Variants in PLCG2 observed in about 807,000 individuals in gnomAD.
PLCG2 encodes the protein 1-phosphatidylinositol 4,5-bisphosphate phosphodiesterase gamma-2.
PLCG2 carries 69 observed loss-of-function variants against 175.6 expected under a neutral mutation model. The ratio of observed to expected loss-of-function variants is 0.39; its 90% CI spans 0.32 to 0.48. The LOEUF is 0.48. Ranked by LOEUF, PLCG2 falls within the 20% of genes least tolerant of loss-of-function variation. The probability of loss-of-function intolerance (pLI) is 0.91; values close to 1 mark genes in which losing one functional copy is unlikely to be tolerated. For synonymous variants in PLCG2, 827 were observed against 624.0 expected (o/e 1.33, Z -4.85); for missense variants, 1,798 against 1,650.9 (o/e 1.09, Z -1.54).
intron 1 of PLCG2, among the ~76,000 whole-genome samples, chr16:81,783,412 C>T (rs766670525): frequency 2.6e-5 from 4 of 152,180 alleles, no homozygotes; most frequent in Non-Finnish European, 4.4e-5. Flanking sequence ...CCCATTAACT[C>T]GTTTTGCTAC....
At chr16:81,867,925 C>T (rs761514209) in intron 5 of PLCG2, among the ~76,000 whole-genome samples, 16 of 152,084 alleles carry the variant, frequency 1.1e-4, no homozygotes, top group Non-Finnish European at 2.1e-4. Flanking sequence ...GGTCTCGATC[C>T]TCTGACCTCG....
In PLCG2 at chr16:81,956,831, G is replaced by C; in HGVS notation, c.3707G>C (p.Ser1236Thr). The change falls in exon 32 of 33, where the codon AGT becomes ACT. Residue 1236 changes from serine to threonine, a missense_variant. Physicochemically the swap from Ser to Thr is moderately conservative, Grantham distance 58. Transcript: ENST00000564138. ...CGGGATGCCCTGGTTAAAGAGTTCAGTGTTAATGAGAACCAGCTCCAGCTG... is the reference window on the plus strand; with the variant it reads ...CGGGATGCCCTGGTTAAAGAGTTCACTGTTAATGAGAACCAGCTCCAGCTG... ...ANRDALVKEF[S>T]VNENQLQLYQ... The C allele has an allele frequency of 1.9e-6, 3 of 1,614,180 alleles. No individual in the cohort carries two copies. Among genetic ancestry groups the C allele is most frequent in the Non-Finnish European group, 2.5e-6 (3 of 1,180,006 alleles).
intron 1 of PLCG2, among the ~76,000 whole-genome samples, chr16:81,750,021 C>G (rs1302171931): frequency 6.6e-6 from 1 of 151,274 alleles, no homozygotes; most frequent in Non-Finnish European, 1.5e-5. Context: ...GTAAAAACAA[C>G]AGTAGAATAA....
At chr16:81,928,863 G>A (rs952895401) in intron 24 of PLCG2, 3 of 441,726 alleles carry the variant, frequency 6.8e-6, no homozygotes, top group African/African-American at 1.9e-5. Flanking sequence ...GTGCTAGATG[G>A]TGGTTAGCGG....
intron 4 of PLCG2, among the ~76,000 whole-genome samples, 162 bp downstream of exon 4, chr16:81,858,518 C>A (rs1906802771): frequency 6.6e-6 from 1 of 151,996 alleles, no homozygotes; most frequent in South Asian, 2.1e-4. Context: ...GCGGTGTGGG[C>A]TCTACAGTTT....
chr16:81,747,493 C>T (rs949738874), intron 1 of PLCG2, among the ~76,000 whole-genome samples: 1 of 152,058 alleles, frequency 6.6e-6, no homozygotes, highest in Non-Finnish European at 1.5e-5. Flanking sequence ...TGAGATTGTG[C>T]CCCTGCACTC....
intron 9 of PLCG2, among the ~76,000 whole-genome samples, chr16:81,887,121 T>G (rs555595799): frequency 2.1e-4 from 32 of 151,950 alleles, no homozygotes; most frequent in African/African-American, 7.5e-4. Flanking sequence ...CAAAGTTGTT[T>G]TTTTTTTTTT....
intron 2 of PLCG2, among the ~76,000 whole-genome samples, chr16:81,811,083 A>T (rs1904315191): frequency 6.6e-6 from 1 of 152,100 alleles, no homozygotes; most frequent in Non-Finnish European, 1.5e-5. Context: ...CACTTCCTGG[A>T]ATGACCCTGA....
At chr16:81,866,921 A>G (rs921556084) in intron 5 of PLCG2, among the ~76,000 whole-genome samples, 2 of 152,224 alleles carry the variant, frequency 1.3e-5, no homozygotes, top group African/African-American at 4.8e-5. Flanking sequence ...GGTTCTTGCA[A>G]GCCCCTGGGG....
At chr16:81,888,514 C>G (rs189501865) in intron 9 of PLCG2, among the ~76,000 whole-genome samples, 1 of 152,200 alleles carries the variant, frequency 6.6e-6, no homozygotes, top group Non-Finnish European at 1.5e-5. Flanking sequence ...TTTCTGTGCA[C>G]CAGGTGCTGC....
intron 2 of PLCG2, among the ~76,000 whole-genome samples, chr16:81,803,219 T>C (rs537760176): frequency 5.6e-4 from 83 of 148,220 alleles, no homozygotes; most frequent in South Asian, 1.7e-3. Context: ...CATGGGTTCA[T>C]GCCATTCTCC....
intron 14 of PLCG2, among the ~76,000 whole-genome samples, chr16:81,904,376 T>A (rs1597121038): frequency 6.6e-6 from 1 of 152,324 alleles, no homozygotes. Flanking sequence ...CTGAGCTCCT[T>A]CACCAGGTTA....
At position 81,807,878 on chromosome 16, in the gene PLCG2, G is replaced by T. The variant is rs531722193; in HGVS notation, c.193+21696G>T. On this transcript the variant is annotated intron_variant, in intron 2 of 32. Coordinates refer to ENST00000564138, the MANE Select transcript of PLCG2 (RefSeq NM_002661.5). ...GGGAGGTGCCACATACTTTTCAACA[G>T]CCAGATCTCTCAAGAACTCACTGAA... 1.4e-3 allele frequency among the ~76,000 whole-genome samples: 220 copies of T among 152,174 alleles called. 1 individual carries two copies. The highest frequency in any genetic ancestry group is 3.5e-3 in the Admixed American group (53 of 15,274).
chr16:81,950,774 A>G (rs1911334939), intron 31 of PLCG2, among the ~76,000 whole-genome samples: 1 of 152,260 alleles, frequency 6.6e-6, no homozygotes, highest in African/African-American at 2.4e-5. Context: ...CTTAGAAAGT[A>G]AAACATTTAT....
At chr16:81,767,797 T>G (rs1301156077) in intron 2 of PLCG2, 1 of 152,210 alleles carries the variant, frequency 6.6e-6, no homozygotes, top group Non-Finnish European at 1.5e-5. Flanking sequence ...CAACCACGGA[T>G]TTGCTTTCTG....
intron 3 of PLCG2, among the ~76,000 whole-genome samples, chr16:81,857,169 G>A (rs1906728379): frequency 6.6e-6 from 1 of 152,210 alleles, no homozygotes; most frequent in Non-Finnish European, 1.5e-5. Context: ...CACCAGGCAG[G>A]TGTTTCCACC....
chr16:81,912,326 A>G (rs1909662219), intron 18 of PLCG2, among the ~76,000 whole-genome samples: 2 of 152,204 alleles, frequency 1.3e-5, no homozygotes. Flanking sequence ...TCAGCCTCCC[A>G]AAGTGCTGGG....
In PLCG2 at chr16:81,807,467, G is replaced by A. The variant is rs141996694; in HGVS notation, c.193+21285G>A. Among the ~76,000 whole-genome samples, 991 of 152,274 alleles carry A rather than the reference G, an allele frequency of 6.5e-3. 13 individuals are homozygous for A. Among genetic ancestry groups the A allele is most frequent in the African/African-American group, 0.023 (961 of 41,556 alleles). On this transcript the variant is annotated intron_variant, in intron 2 of 32. Transcript: ENST00000564138. ...TCATACAAGGCAGGAAGCCCATCAAGCCCCCACATCGTCATCATTGTCATC... is the reference window on the plus strand; with the variant it reads ...TCATACAAGGCAGGAAGCCCATCAAACCCCCACATCGTCATCATTGTCATC...
At chr16:81,885,033 A>G (rs1597106933) in intron 9 of PLCG2, among the ~76,000 whole-genome samples, 2 of 147,860 alleles carry the variant, frequency 1.4e-5, no homozygotes, top group African/African-American at 5.0e-5. Context: ...GACTACAGGT[A>G]TGTGCCACCA....
Sources: allele counts gnomAD v4.1 joint callset (sites outside exome capture counted in the v4.1 genomes callset), GRCh38; gene constraint gnomAD v4.1.1; transcripts MANE v1.5; gene names NCBI Gene and HGNC (gene_info 2026-07-23, HGNC 2026-07-21).